The following NSMAF variants were observed in gnomAD, a reference collection of about 807,000 sequenced individuals.
NSMAF encodes the protein neutral sphingomyelinase activation associated factor, also known as protein FAN.
A neutral mutation model predicts 134.9 loss-of-function variants in NSMAF; 90 were observed. That is an observed-to-expected ratio of 0.67 (90% confidence interval 0.56 to 0.79). The LOEUF (loss-of-function observed/expected upper bound fraction) is 0.79, where lower values mean the gene tolerates loss of function less well. Ranked by LOEUF, NSMAF falls within the 30% of genes least tolerant of loss-of-function variation. The pLI is 0.00. For synonymous variants in NSMAF, 358 were observed against 389.6 expected (o/e 0.92, Z 0.96); for missense variants, 1,010 against 1,119.0 (o/e 0.90, Z 1.39).
intron 30 of NSMAF, 44 bp from the exon 31 acceptor site, chr8:58,584,244 G>A (rs779630393): frequency 1.4e-6 from 2 of 1,416,290 alleles, no homozygotes; most frequent in Non-Finnish European, 2.0e-6. Flanking sequence ...TGACCAGGAG[G>A]CACCCAAAGA....
At chr8:58,644,061 T>C (rs950076102) in intron 1 of NSMAF, among the ~76,000 whole-genome samples, 2 of 152,256 alleles carry the variant, frequency 1.3e-5, no homozygotes, top group Admixed American at 1.3e-4. Flanking sequence ...AGGCATTTTT[T>C]TGTTTTGTTT....
In NSMAF at chr8:58,595,613, G is replaced by A; in HGVS notation, c.1839C>T (p.Ala613=). ...ACTGCAGTTTGGTGATGTTATTCCA[G>A]GCCAGTGTTTTGCTTTCTTCGGTCA... is the stretch of plus-strand genomic sequence containing the variant. ...EDLTEESKTL[A]WNNITKLQLH... Residue 613 remains alanine, a synonymous_variant, in exon 22 of 31, where the codon GCC becomes GCT. Transcript: ENST00000038176. 6.2e-7 allele frequency: 1 copy of A among 1,614,068 alleles called. No individual in the cohort carries two copies. Among genetic ancestry groups the A allele is most frequent in the Non-Finnish European group, 8.5e-7 (1 of 1,179,960 alleles).
At chr8:58,624,273 C>G (rs375629108) in intron 6 of NSMAF, among the ~76,000 whole-genome samples, 9 of 152,080 alleles carry the variant, frequency 5.9e-5, no homozygotes, top group East Asian at 3.9e-4. Flanking sequence ...TCTCAAACTC[C>G]TGACCTCAGG....
chr8:58,591,481 C>CTTTT lies in NSMAF; in HGVS notation c.1952-551_1952-548dup, dbSNP rs1018380152. ...ATTTTCTTGTGTAACAGAAACCTTC[C>CTTTT]TTTTTTTTTTTTTTTTTTTTTTTTT... On this transcript the variant is annotated intron_variant, in intron 23 of 30. Coordinates refer to ENST00000038176, the MANE Select transcript of NSMAF (RefSeq NM_003580.4). 1.8e-3 allele frequency among the ~76,000 whole-genome samples: 172 copies of CTTTT among 94,442 alleles called. 3 individuals are homozygous for CTTTT. Among genetic ancestry groups the CTTTT allele is most frequent in the East Asian group, 2.5e-3 (7 of 2,784 alleles). 62.0% of individuals were successfully genotyped at this position (94,442 alleles called of 152,430 possible). A position where few individuals can be genotyped will look rare whatever the true frequency, so the allele number is the denominator to read the frequency against.
At position 58,601,303 on chromosome 8, in the gene NSMAF, G is replaced by A. The variant is rs1353874374; in HGVS notation, c.1262C>T (p.Ala421Val). 1.9e-6 allele frequency: 3 copies of A among 1,613,724 alleles called. No individual in the cohort carries two copies. The highest frequency in any genetic ancestry group is 3.3e-5 in the Admixed American group (2 of 60,010). The change falls in exon 16 of 31, where the codon GCA becomes GTA. Residue 421 changes from alanine (A) to valine (V), a missense_variant. Ala to Val is a moderately conservative substitution (Grantham distance 64). Coordinates refer to ENST00000038176, the MANE Select transcript of NSMAF (RefSeq NM_003580.4). The stretch of plus-strand genomic sequence containing the variant: ...ATCAAACCTGTTGAACATTCTATCT[G>A]CATTATCAAATCTTCCATTCTGCAG... ...LCLQNGRFDN[A>V]DRMFNSIAET...
At chr8:58,603,107 T>C in intron 13 of NSMAF, 103 bp downstream of exon 13, 2 of 1,140,368 alleles carry the variant, frequency 1.8e-6, no homozygotes, top group Non-Finnish European at 2.6e-6. Context: ...TTTGTTCACA[T>C]GTCACATCAC....
At chr8:58,625,430 A>C (rs1806906747) in intron 6 of NSMAF, among the ~76,000 whole-genome samples, 1 of 108,384 alleles carries the variant, frequency 9.2e-6, no homozygotes, top group African/African-American at 3.1e-5. Flanking sequence ...ATATGTGTGA[A>C]TGTATGTACA....
At chr8:58,655,259 A>G (rs758169074) in intron 1 of NSMAF, among the ~76,000 whole-genome samples, 2 of 152,220 alleles carry the variant, frequency 1.3e-5, no homozygotes, top group Non-Finnish European at 2.9e-5. Context: ...AGTGTAAGCC[A>G]TGGCACCTAG....
chr8:58,656,333 A>G (rs184389205), intron 1 of NSMAF, among the ~76,000 whole-genome samples: 2 of 152,288 alleles, frequency 1.3e-5, no homozygotes, highest in Admixed American at 1.3e-4. Context: ...ATATAAGTAT[A>G]CTTATTTCGA....
At chr8:58,606,082 T>A (rs1806404975) in intron 11 of NSMAF, 47 bp from the exon 12 acceptor site, 3 of 1,010,620 alleles carry the variant, frequency 3.0e-6, no homozygotes, top group Middle Eastern at 2.5e-4. Flanking sequence ...ATTGTATTCA[T>A]CTTGCAATCC....
chr8:58,624,830 C>T (rs1389472933), intron 6 of NSMAF, among the ~76,000 whole-genome samples: 1 of 152,148 alleles, frequency 6.6e-6, no homozygotes, highest in Non-Finnish European at 1.5e-5. Context: ...TACCCATTGT[C>T]GAAAGTGTGG....
In NSMAF at chr8:58,593,453, C is replaced by A. The variant is rs571297110; in HGVS notation, c.1951+779G>T. 3.5e-4 allele frequency among the ~76,000 whole-genome samples: 53 copies of A among 152,284 alleles called. No individual in the cohort carries two copies. In the South Asian group the frequency reaches 0.01, roughly 30 times the overall value. ...TGTCTTAATGAATGAAAAATATAAT[C>A]TCCTATGATAAAGACTAAATAACGA... On this transcript the variant is annotated intron_variant, in intron 23 of 30. Coordinates refer to ENST00000038176, the MANE Select transcript of NSMAF (RefSeq NM_003580.4).
Position 58,586,703 on chromosome 8 carries a change from T to C in NSMAF, c.2296-95A>G, listed in dbSNP as rs1805894094. On this transcript the variant is annotated intron_variant, in intron 27 of 30. Coordinates refer to ENST00000038176, the MANE Select transcript of NSMAF (RefSeq NM_003580.4). Reference sequence around the variant, plus strand: ...GTTCAAATATGTAGTCATCATGATATAAATTAAACTCTATTGTGCAGTATG... The same window carrying C: ...GTTCAAATATGTAGTCATCATGATACAAATTAAACTCTATTGTGCAGTATG... 3.0e-6 allele frequency: 3 copies of C among 993,132 alleles called. 1 individual carries two copies. Among genetic ancestry groups the C allele is most frequent in the South Asian group, 3.1e-5 (2 of 63,900 alleles). The allele number at this position is 993,132 out of a possible 1,614,324, so 61.5% of individuals were successfully genotyped here. A position where few individuals can be genotyped will look rare whatever the true frequency, so the allele number is the denominator to read the frequency against.
intron 6 of NSMAF, among the ~76,000 whole-genome samples, chr8:58,627,116 G>A (rs1336561699): frequency 1.3e-5 from 2 of 152,170 alleles, no homozygotes; most frequent in African/African-American, 2.4e-5. Flanking sequence ...TTAGTCCTTT[G>A]CCGGATGTGT....
chr8:58,593,897 A>G (rs1386258641), intron 23 of NSMAF, among the ~76,000 whole-genome samples: 1 of 152,256 alleles, frequency 6.6e-6, no homozygotes, highest in African/African-American at 2.4e-5. Context: ...TTTCTGATAC[A>G]GCACTTGCTA....
intron 30 of NSMAF, among the ~76,000 whole-genome samples, chr8:58,584,481 G>A (rs1321218987): frequency 6.6e-6 from 1 of 152,180 alleles, no homozygotes; most frequent in African/African-American, 2.4e-5. Context: ...ATACCTTGGC[G>A]AAGTAAGTAC....
chr8:58,658,897 C>A (rs192324248), intron 1 of NSMAF, among the ~76,000 whole-genome samples: 15 of 152,298 alleles, frequency 9.8e-5, no homozygotes, highest in Non-Finnish European at 1.8e-4. Context: ...ACCGCGATTT[C>A]GACTGCAAAG....
At chr8:58,659,484 G>C in intron 1 of NSMAF, 89 bp downstream of exon 1, 2 of 1,491,902 alleles carry the variant, frequency 1.3e-6, no homozygotes, top group Non-Finnish European at 1.8e-6. Context: ...CCCCCACGCC[G>C]CCTCCCGTCC....
chr8:58,594,207 C>A lies in NSMAF; in HGVS notation c.1951+25G>T, dbSNP rs749161456. The A allele has an allele frequency of 3.7e-6, 6 of 1,611,678 alleles. No individual in the cohort carries two copies. In the East Asian group the frequency reaches 1.3e-4, roughly 36 times the overall value. Reference sequence around the variant, plus strand: ...CAGACATTCTAGGATTTTGGTTAAGCCGCCTTTCGGGGAGGAACACTGACC... The same window carrying A: ...CAGACATTCTAGGATTTTGGTTAAGACGCCTTTCGGGGAGGAACACTGACC... On this transcript the variant is annotated intron_variant, in intron 23 of 30. Transcript: ENST00000038176.
Sources: allele counts gnomAD v4.1 joint callset (sites outside exome capture counted in the v4.1 genomes callset), GRCh38; gene constraint gnomAD v4.1.1; transcripts MANE v1.5; gene names NCBI Gene and HGNC (gene_info 2026-07-23, HGNC 2026-07-21).